Variants in DCAF6 observed in about 807,000 individuals in gnomAD.
DCAF6 encodes DDB1 and CUL4 associated factor 6, also known as DDB1- and CUL4-associated factor 6.
Under a neutral mutation model 125.1 loss-of-function variants are expected in DCAF6, and 54 were observed. That is an observed-to-expected ratio of 0.43 (90% confidence interval 0.35 to 0.54). DCAF6 has a LOEUF of 0.54. Ranked by LOEUF, DCAF6 falls within the 20% of genes least tolerant of loss-of-function variation. The pLI, the probability that DCAF6 is intolerant of heterozygous loss-of-function variation, is 0.01. For missense variants in DCAF6, 934 were observed against 1,161.7 expected (o/e 0.80, Z 2.85); for synonymous variants, 371 against 390.4 (o/e 0.95, Z 0.58).
At chr1:168,034,981 G>A (rs928325357) in intron 12 of DCAF6, among the ~76,000 whole-genome samples, 2 of 152,096 alleles carry the variant, frequency 1.3e-5, no homozygotes, top group African/African-American at 4.8e-5. Flanking sequence ...TTTAGAATAT[G>A]CATTTTATCA....
At chr1:167,877,160 GA>G in the DCAF6 span, among the ~76,000 whole-genome samples, 2 of 151,482 alleles carry the variant, frequency 1.3e-5, no homozygotes, top group East Asian at 3.9e-4. Context: ...GCTCACTATA[GA>G]TATGGCCATA....
rs566001300 is a variant in DCAF6 at position 168,003,790 on chromosome 1, C to T, written c.998-80C>T. 22 of 1,259,610 alleles carry T rather than the reference C, an allele frequency of 1.7e-5. No homozygotes were observed. The South Asian group carries it at 3.6e-4, about 21-fold the overall frequency. The allele number at this position is 1,259,610 out of a possible 1,614,324, so 78.0% of individuals were successfully genotyped here. A position where few individuals can be genotyped will look rare whatever the true frequency, so the allele number is the denominator to read the frequency against. On this transcript the variant is annotated intron_variant, in intron 8 of 21. Coordinates refer to ENST00000367840, the MANE Select transcript of DCAF6 (RefSeq NM_001198956.2). ...TTAAAAATATGCTTTCATTTTAAAG[C>T]CCTTCAAATCTAGGTTTTTGTATTA...
At chr1:168,036,518 T>C (rs887419798) in intron 12 of DCAF6, among the ~76,000 whole-genome samples, 1 of 152,200 alleles carries the variant, frequency 6.6e-6, no homozygotes, top group Non-Finnish European at 1.5e-5. Context: ...AATCATCCAA[T>C]CATCCAATCT....
In DCAF6 at chr1:168,015,762, C is replaced by T. The variant is rs775700593; in HGVS notation, c.1379-19C>T. 1 of 1,435,790 alleles carries T rather than the reference C, an allele frequency of 7.0e-7. No individual in the cohort carries two copies. Among genetic ancestry groups the T allele is most frequent in the South Asian group, 1.5e-5 (1 of 67,330 alleles). The allele number at this position is 1,435,790 out of a possible 1,614,324, so 88.9% of individuals were successfully genotyped here. ...ATTTTATTACTGTCTTTTCACCTTT[C>T]TTTTCCTATTTGTGTCAGAATTTTT... On this transcript the variant is annotated intron_variant, in intron 10 of 21. Transcript: ENST00000367840.
the DCAF6 span, among the ~76,000 whole-genome samples, chr1:167,913,566 T>C: frequency 2.6e-5 from 4 of 152,234 alleles, no homozygotes; most frequent in African/African-American, 4.8e-5. Context: ...TCTTTTGAAT[T>C]GCTTCTATTT....
At chr1:167,985,140 G>T (rs11581997) in intron 4 of DCAF6, among the ~76,000 whole-genome samples, 16,545 of 151,876 alleles carry the variant, frequency 0.11, 1,023 homozygotes, top group African/African-American at 0.16. Context: ...ACAACACGTG[G>T]CAATTCAAGA....
chr1:167,931,000 T>G (rs1355736679), upstream of DCAF6, among the ~76,000 whole-genome samples: 1 of 152,216 alleles, frequency 6.6e-6, no homozygotes, highest in Non-Finnish European at 1.5e-5. Flanking sequence ...GGCACGATCT[T>G]GGCTCACTGC....
Position 167,966,694 on chromosome 1 carries a change from A to C in DCAF6, c.225A>C (p.Leu75Phe). The change falls in exon 3 of 22, where the codon TTA becomes TTC. Residue 75 changes from leucine to phenylalanine, a missense_variant. Coordinates refer to ENST00000367840, the MANE Select transcript of DCAF6 (RefSeq NM_001198956.2). ...TATCTGGCTCAGATGACACCAAATT[A>C]GTAATTAGTAATCCTTACAGCAGAA... ...YILSGSDDTK[L>F]VISNPYSRKV... The C allele has an allele frequency of 4.4e-6, 7 of 1,595,790 alleles. No individual in the cohort carries two copies. The highest frequency in any genetic ancestry group is 6.0e-6 in the Non-Finnish European group (7 of 1,164,326).
intron 5 of DCAF6, among the ~76,000 whole-genome samples, chr1:167,989,541 T>A (rs1680528397): frequency 6.6e-6 from 1 of 152,220 alleles, no homozygotes; most frequent in Admixed American, 6.5e-5. Flanking sequence ...GAGAGTAATG[T>A]TCTGAGATTA....
the DCAF6 span, among the ~76,000 whole-genome samples, chr1:167,877,320 A>T: frequency 1.3e-5 from 2 of 151,422 alleles, no homozygotes; most frequent in Non-Finnish European, 2.9e-5. Context: ...ACTAAAAATT[A>T]TTATTCATTC....
In DCAF6 at chr1:168,022,480, G is replaced by C. The variant is rs1453201670; in HGVS notation, c.1550-508G>C. ...TTTCTGTAATGATAATTACCTCATTGAATATTTTTCTTATAAACCATTTTC... is the reference window on the plus strand; with the variant it reads ...TTTCTGTAATGATAATTACCTCATTCAATATTTTTCTTATAAACCATTTTC... On this transcript the variant is annotated intron_variant, in intron 11 of 21. Coordinates refer to ENST00000367840, the MANE Select transcript of DCAF6 (RefSeq NM_001198956.2). Among the ~76,000 whole-genome samples the C allele has an allele frequency of 3.3e-5, 5 of 152,250 alleles. No homozygotes were observed. In the East Asian group the frequency reaches 9.6e-4, roughly 29 times the overall value.
rs1691235280 is a variant in DCAF6, at chr1:168,058,857, AC to A, written c.2301-4763del. 3.3e-5 allele frequency among the ~76,000 whole-genome samples: 5 copies of A among 152,298 alleles called. 1 individual carries two copies. In the South Asian group the frequency reaches 1.0e-3, roughly 32 times the overall value. On this transcript the variant is annotated intron_variant, in intron 17 of 21. Coordinates refer to ENST00000367840, the MANE Select transcript of DCAF6 (RefSeq NM_001198956.2). ...AGTGCTGGAATTACAGGCATGAGCC[AC>A]TGCACCCGGTCCTGATCTGGTTTTC...
chr1:167,872,156 T>C, the DCAF6 span, among the ~76,000 whole-genome samples: 2 of 151,952 alleles, frequency 1.3e-5, no homozygotes, highest in African/African-American at 2.4e-5. Context: ...AGCCTCAACA[T>C]GGAGAAACCC....
intron 1 of DCAF6, among the ~76,000 whole-genome samples, chr1:167,938,926 T>C (rs1178143543): frequency 6.6e-5 from 10 of 152,222 alleles, no homozygotes; most frequent in Admixed American, 6.5e-4. Context: ...TTAGAAAGCC[T>C]GAATTACAGT....
intron 9 of DCAF6, 113 bp from the exon 10 acceptor site, chr1:168,004,420 A>G: frequency 8.4e-7 from 1 of 1,194,932 alleles, no homozygotes; most frequent in South Asian, 1.5e-5. Flanking sequence ...TTATCACTGA[A>G]ATTATATATT....
intron 5 of DCAF6, among the ~76,000 whole-genome samples, chr1:167,989,119 AGTTTAATCAGTTTTTTTGTTAC>A (rs1389094583): frequency 1.3e-5 from 2 of 152,136 alleles, no homozygotes; most frequent in African/African-American, 2.4e-5. Context: ...TTAAACATAC[AGTTTAATCAGTTTTTTTGTTAC>A]GTATTTGTAT....
At position 167,936,889 on chromosome 1, in the gene DCAF6, T is replaced by C; in HGVS notation, c.-23T>C. The C allele has an allele frequency of 8.4e-7, 1 of 1,183,712 alleles. No homozygotes were observed. 73.3% of individuals were successfully genotyped at this position (1,183,712 alleles called of 1,614,324 possible). A position where few individuals can be genotyped will look rare whatever the true frequency, so the allele number is the denominator to read the frequency against. On this transcript the variant is annotated 5_prime_UTR_variant, in exon 1 of 22. Coordinates refer to ENST00000367840, the MANE Select transcript of DCAF6 (RefSeq NM_001198956.2). The stretch of plus-strand genomic sequence containing the variant: ...CCCTCCCCCACGCGGTGGTCTCCCC[T>C]CCCACCCGGCTCAGGCAGAGCCATG...
intron 1 of DCAF6, chr1:167,937,286 G>C: frequency 2.1e-6 from 1 of 483,498 alleles, no homozygotes; most frequent in East Asian, 4.1e-5. Flanking sequence ...GGTCGCTGAT[G>C]GGTTGGGACT....
intron 10 of DCAF6, among the ~76,000 whole-genome samples, chr1:168,010,854 A>G (rs1684185336): frequency 6.6e-6 from 1 of 152,106 alleles, no homozygotes; most frequent in Non-Finnish European, 1.5e-5. Context: ...TGATTTGTAA[A>G]TTATTCTCAT....
Sources: gnomAD v4.1 joint callset for allele counts (sites outside exome capture counted in the v4.1 genomes callset) on GRCh38, gnomAD v4.1.1 for gene constraint, MANE v1.5 for transcripts, NCBI Gene and HGNC (gene_info 2026-07-23, HGNC 2026-07-21) for gene names.